The following RFX3 variants were observed in gnomAD, a reference collection of about 807,000 sequenced individuals.
RFX3 encodes the protein transcription factor RFX3.
Under a neutral mutation model 98.6 loss-of-function variants are expected in RFX3, and 14 were observed. The observed-to-expected ratio is 0.14, with a 90% CI of 0.09 to 0.22. The LOEUF is 0.22. Among genes scored for constraint, RFX3 ranks in the 10% least tolerant of loss-of-function variants. The pLI is 1.00. For missense variants in RFX3, 639 were observed against 926.9 expected (o/e 0.69, Z 4.03); for synonymous variants, 383 against 328.4 (o/e 1.17, Z -1.80).
chr9:3,411,643 T>C (rs1396244555), intron 1 of RFX3, among the ~76,000 whole-genome samples: 1 of 151,358 alleles, frequency 6.6e-6, no homozygotes, highest in Admixed American at 6.6e-5. Flanking sequence ...ATCCAGCTAA[T>C]TTTTGTGTGT....
At chr9:3,350,967 T>C (rs1010213372) in intron 2 of RFX3, among the ~76,000 whole-genome samples, 75 of 151,998 alleles carry the variant, frequency 4.9e-4, no homozygotes, top group African/African-American at 1.6e-3. Flanking sequence ...GCAGGGCCCA[T>C]AGGATTTGTA....
At chr9:3,321,366 TC>T (rs1200653676) in intron 4 of RFX3, among the ~76,000 whole-genome samples, 3 of 152,246 alleles carry the variant, frequency 2.0e-5, no homozygotes, top group Non-Finnish European at 4.4e-5. Context: ...CACATTGCTC[TC>T]CAATTCTGTG....
At chr9:3,313,181 T>A (rs937934395) in intron 4 of RFX3, among the ~76,000 whole-genome samples, 2 of 152,072 alleles carry the variant, frequency 1.3e-5, no homozygotes, top group Non-Finnish European at 2.9e-5. Flanking sequence ...AGAGGAACAA[T>A]CAGGCAGCAA....
chr9:3,244,010 T>A (rs77019001), intron 15 of RFX3, among the ~76,000 whole-genome samples: 20,331 of 150,882 alleles, frequency 0.13, 1,912 homozygotes, highest in African/African-American at 0.26. Context: ...TTTTATTATT[T>A]TTTTTTTTTG....
intron 1 of RFX3, among the ~76,000 whole-genome samples, chr9:3,483,332 C>G (rs1849967322): frequency 6.6e-6 from 1 of 152,140 alleles, no homozygotes; most frequent in Non-Finnish European, 1.5e-5. Context: ...CAAGATATGT[C>G]CAATCTATAA....
Position 3,219,161 on chromosome 9 carries a change from A to G in RFX3, c.*5881T>C, listed in dbSNP as rs1405535697. 2.0e-5 allele frequency: 3 copies of G among 152,214 alleles called. No individual in the cohort carries two copies. Among genetic ancestry groups the G allele is most frequent in the African/African-American group, 7.2e-5 (3 of 41,462 alleles). The allele number at this position is 152,214 out of a possible 1,614,324, so 9.4% of individuals were successfully genotyped here. A position where few individuals can be genotyped will look rare whatever the true frequency, so the allele number is the denominator to read the frequency against. On this transcript the variant is annotated 3_prime_UTR_variant, in exon 17 of 17. Transcript: ENST00000617270. ...TAGAGAAAAAAATTTGCTTTGGTAC[A>G]AAAGATGCTTTTTAAACGAATAAAG...
intron 1 of RFX3, chr9:3,469,085 G>C: frequency 2.7e-6 from 1 of 374,832 alleles, no homozygotes; most frequent in Middle Eastern, 3.7e-4. Context: ...TCAAGTGAAA[G>C]CCCAGACTAT....
chr9:3,515,708 G>A (rs1243286054), intron 1 of RFX3, among the ~76,000 whole-genome samples: 2 of 152,158 alleles, frequency 1.3e-5, no homozygotes, highest in Non-Finnish European at 2.9e-5. Context: ...GAACATTAAA[G>A]TAAACTATGC....
intron 1 of RFX3, among the ~76,000 whole-genome samples, chr9:3,426,692 G>A (rs1423405810): frequency 6.6e-6 from 1 of 152,126 alleles, no homozygotes; most frequent in East Asian, 1.9e-4. Flanking sequence ...AGGGATCTAG[G>A]TTGCATGTTT....
intron 2 of RFX3, among the ~76,000 whole-genome samples, chr9:3,359,966 T>C (rs1009574607): frequency 2.1e-4 from 32 of 152,268 alleles, no homozygotes; most frequent in African/African-American, 7.2e-4. Flanking sequence ...TACAAGCTTA[T>C]TTTCTATTTT....
chr9:3,514,420 G>C (rs1317987167), intron 1 of RFX3, among the ~76,000 whole-genome samples: 1 of 152,042 alleles, frequency 6.6e-6, no homozygotes, highest in Non-Finnish European at 1.5e-5. Flanking sequence ...TAATTGAAAA[G>C]TAATTTTTTT....
chr9:3,280,115 T>C (rs190662953), intron 7 of RFX3, among the ~76,000 whole-genome samples: 1 of 151,982 alleles, frequency 6.6e-6, no homozygotes, highest in Non-Finnish European at 1.5e-5. Flanking sequence ...GATTGAAAGA[T>C]GGACAGAGAT....
At chr9:3,340,614 G>A (rs12349711) in intron 3 of RFX3, among the ~76,000 whole-genome samples, 21,385 of 152,024 alleles carry the variant, frequency 0.14, 4,590 homozygotes, top group African/African-American at 0.47. Flanking sequence ...GACACTTCTC[G>A]AAAGAAGACA....
chr9:3,403,079 G>A (rs1056887801), intron 1 of RFX3, among the ~76,000 whole-genome samples: 1 of 151,806 alleles, frequency 6.6e-6, no homozygotes, highest in Non-Finnish European at 1.5e-5. Context: ...AAATAGTCAG[G>A]TACTAAATTT....
chr9:3,401,419 G>C (rs532774921), intron 1 of RFX3, among the ~76,000 whole-genome samples: 2 of 152,268 alleles, frequency 1.3e-5, no homozygotes, highest in South Asian at 2.1e-4. Context: ...CAGCATAATA[G>C]CTTATGAGTA....
intron 4 of RFX3, among the ~76,000 whole-genome samples, chr9:3,306,002 A>C (rs1425122532): frequency 1.3e-5 from 2 of 152,096 alleles, no homozygotes; most frequent in African/African-American, 4.8e-5. Context: ...TTAAAAAGTT[A>C]AGTTCATTCA....
At chr9:3,340,671 C>T (rs1055284837) in intron 3 of RFX3, among the ~76,000 whole-genome samples, 8 of 152,138 alleles carry the variant, frequency 5.3e-5, no homozygotes. Context: ...CATCACTGGC[C>T]ATCAGAGAAA....
intron 4 of RFX3, among the ~76,000 whole-genome samples, chr9:3,324,420 A>G (rs1831655385): frequency 6.6e-6 from 1 of 152,096 alleles, no homozygotes; most frequent in Non-Finnish European, 1.5e-5. Flanking sequence ...TATTATTTCA[A>G]CATTTTTTCC....
intron 1 of RFX3, among the ~76,000 whole-genome samples, chr9:3,412,885 A>C (rs1056526010): frequency 6.6e-6 from 1 of 152,224 alleles, no homozygotes; most frequent in East Asian, 1.9e-4. Context: ...AATGTTGAAA[A>C]CCTGTTTATT....
Sources: allele counts gnomAD v4.1 joint callset (sites outside exome capture counted in the v4.1 genomes callset), GRCh38; gene constraint gnomAD v4.1.1; transcripts MANE v1.5; gene names NCBI Gene and HGNC (gene_info 2026-07-23, HGNC 2026-07-21).